The following DYNC1I1 variants were observed in gnomAD, a reference collection of about 807,000 sequenced individuals.
DYNC1I1 encodes cytoplasmic dynein 1 intermediate chain 1.
A neutral mutation model predicts 86.6 loss-of-function variants in DYNC1I1; 43 were observed. That is an observed-to-expected ratio of 0.50 (90% CI 0.39 to 0.64). DYNC1I1 has a LOEUF of 0.64. Ranked by LOEUF, DYNC1I1 falls within the 30% of genes least tolerant of loss-of-function variation. The pLI is 0.00. For missense variants in DYNC1I1, 604 were observed against 788.8 expected, an observed-to-expected ratio of 0.77 and a Z score of 2.81; for synonymous variants, 262 against 283.7, an observed-to-expected ratio of 0.92 and a Z score of 0.77.
At chr7:95,980,327 A>G (rs1446014442) in intron 7 of DYNC1I1, among the ~76,000 whole-genome samples, 4 of 151,878 alleles carry the variant, frequency 2.6e-5, no homozygotes, top group African/African-American at 9.7e-5. Context: ...TTTTAAAGCA[A>G]GACAGTATTT....
At chr7:96,070,454 A>G (rs753673562) in intron 14 of DYNC1I1, among the ~76,000 whole-genome samples, 2 of 152,158 alleles carry the variant, frequency 1.3e-5, no homozygotes, top group African/African-American at 2.4e-5. Flanking sequence ...AACCCACATG[A>G]CAATTTTTGA....
chr7:95,994,750 A>G (rs1433183935), intron 9 of DYNC1I1, among the ~76,000 whole-genome samples: 1 of 152,220 alleles, frequency 6.6e-6, no homozygotes, highest in Non-Finnish European at 1.5e-5. Flanking sequence ...ACTTAGCCAA[A>G]TACATATTTT....
Position 95,929,419 on chromosome 7 carries a change from C to T in DYNC1I1, c.491-48093C>T, listed in dbSNP as rs563356362. On this transcript the variant is annotated intron_variant, in intron 6 of 16. Transcript: ENST00000447467. ...GTTTTGCTTTTTATACTCATCTCTCCTACTTGAATATAAGTTTCTGGAGGC... is the reference window on the plus strand; with the variant it reads ...GTTTTGCTTTTTATACTCATCTCTCTTACTTGAATATAAGTTTCTGGAGGC... Among the ~76,000 whole-genome samples, 6 of 152,264 alleles carry T rather than the reference C, an allele frequency of 3.9e-5. No individual in the cohort carries two copies. The South Asian group carries it at 1.2e-3, about 32-fold the overall frequency.
intron 6 of DYNC1I1, among the ~76,000 whole-genome samples, chr7:95,903,760 A>C (rs992419790): frequency 6.6e-6 from 1 of 152,302 alleles, no homozygotes; most frequent in Middle Eastern, 3.4e-3. Flanking sequence ...ATAGGTAAGG[A>C]AACTGAGGCT....
At chr7:96,105,244 A>G (rs1791198441) in intron 16 of DYNC1I1, among the ~76,000 whole-genome samples, 1 of 151,948 alleles carries the variant, frequency 6.6e-6, no homozygotes, top group African/African-American at 2.4e-5. Context: ...TACATACACA[A>G]TTATGCCATC....
chr7:95,781,157 A>G (rs1192817804), intron 1 of DYNC1I1, among the ~76,000 whole-genome samples: 2 of 152,212 alleles, frequency 1.3e-5, no homozygotes, highest in Non-Finnish European at 1.5e-5. Flanking sequence ...GGGTAAGTTA[A>G]AAATGCCAAA....
intron 6 of DYNC1I1, among the ~76,000 whole-genome samples, chr7:95,940,694 A>G (rs1395055188): frequency 7.2e-5 from 11 of 152,214 alleles, no homozygotes; most frequent in African/African-American, 2.7e-4. Flanking sequence ...TAGTTAATAC[A>G]TTCGTCTAAA....
At chr7:96,030,340 G>GTGTGTT (rs1794779710) in intron 11 of DYNC1I1, among the ~76,000 whole-genome samples, 1 of 107,512 alleles carries the variant, frequency 9.3e-6, no homozygotes, top group African/African-American at 3.3e-5. Context: ...TTGTGTGTGT[G>GTGTGTT]TGTGTGTGTG....
intron 4 of DYNC1I1, among the ~76,000 whole-genome samples, chr7:95,817,941 A>C (rs1261107396): frequency 6.6e-6 from 1 of 152,206 alleles, no homozygotes; most frequent in Non-Finnish European, 1.5e-5. Context: ...ACTGGCCTGC[A>C]AAAATATAGG....
At chr7:95,828,284 C>G (rs1795247015) in intron 5 of DYNC1I1, among the ~76,000 whole-genome samples, 168 bp downstream of exon 5, 1 of 152,180 alleles carries the variant, frequency 6.6e-6, no homozygotes, top group Admixed American at 6.5e-5. Context: ...GAAAGTCTCT[C>G]TTTGTGGAAA....
chr7:95,984,641 T>G (rs1007998957), intron 7 of DYNC1I1, among the ~76,000 whole-genome samples, 174 bp from the exon 8 acceptor site: 3 of 152,108 alleles, frequency 2.0e-5, no homozygotes, highest in Admixed American at 1.3e-4. Flanking sequence ...GCAGAAGCCT[T>G]TGGTGTGAAT....
At chr7:95,861,754 G>A (rs1393486805) in intron 5 of DYNC1I1, among the ~76,000 whole-genome samples, 7 of 152,088 alleles carry the variant, frequency 4.6e-5, no homozygotes, top group African/African-American at 9.7e-5. Context: ...CTTTAGTGAC[G>A]CTCTTGCTAG....
At chr7:96,040,715 AG>A (rs746027602) in intron 14 of DYNC1I1, among the ~76,000 whole-genome samples, 2 of 133,980 alleles carry the variant, frequency 1.5e-5, no homozygotes, top group Non-Finnish European at 3.2e-5. Flanking sequence ...ACAAATGAGT[AG>A]TTTTTTTTTT....
chr7:95,981,337 A>G (rs1793453685), intron 7 of DYNC1I1, among the ~76,000 whole-genome samples: 1 of 152,112 alleles, frequency 6.6e-6, no homozygotes, highest in Non-Finnish European at 1.5e-5. Context: ...ATGAAATACA[A>G]TCATGCTTGA....
chr7:95,958,689 A>G (rs1295312203), intron 6 of DYNC1I1, among the ~76,000 whole-genome samples: 1 of 152,264 alleles, frequency 6.6e-6, no homozygotes. Context: ...ATCTCTAAAC[A>G]TGAATTTTCT....
At chr7:96,026,359 T>A (rs978753468) in intron 10 of DYNC1I1, among the ~76,000 whole-genome samples, 1 of 152,140 alleles carries the variant, frequency 6.6e-6, no homozygotes, top group Non-Finnish European at 1.5e-5. Context: ...TCTTGTTTTT[T>A]GTCTTGTTCT....
At chr7:96,079,953 G>A (rs1228032138) in intron 15 of DYNC1I1, among the ~76,000 whole-genome samples, 1 of 151,964 alleles carries the variant, frequency 6.6e-6, no homozygotes, top group East Asian at 1.9e-4. Flanking sequence ...CCTGCTTTCT[G>A]CCTTTTTAGT....
chr7:95,912,446 G>A (rs1330110747), intron 6 of DYNC1I1, among the ~76,000 whole-genome samples: 2 of 152,168 alleles, frequency 1.3e-5, no homozygotes, highest in East Asian at 1.9e-4. Context: ...CCTTTGATAC[G>A]TTTAATCTCT....
chr7:96,044,694 G>A (rs1164980959), intron 14 of DYNC1I1, among the ~76,000 whole-genome samples: 2 of 152,126 alleles, frequency 1.3e-5, no homozygotes, highest in Admixed American at 6.5e-5. Context: ...CGTGTGTAGA[G>A]TTAGTGAAGG....
Sources: gnomAD v4.1 joint callset for allele counts (sites outside exome capture counted in the v4.1 genomes callset) on GRCh38, gnomAD v4.1.1 for gene constraint, MANE v1.5 for transcripts, NCBI Gene and HGNC (gene_info 2026-07-23, HGNC 2026-07-21) for gene names.